Variants in GPATCH2 observed in about 807,000 individuals in gnomAD.
GPATCH2 encodes the protein G patch domain-containing protein 2.
A neutral mutation model predicts 58.0 loss-of-function variants in GPATCH2; 51 were observed. The ratio of observed to expected loss-of-function variants is 0.88; its 90% CI spans 0.70 to 1.11. The LOEUF is 1.11. Ranked by LOEUF, GPATCH2 falls within the 50% of genes most tolerant of loss-of-function variation. GPATCH2 has a pLI of 0.00. For synonymous variants in GPATCH2, 222 were observed against 218.5 expected (o/e 1.02, Z -0.14); for missense variants, 625 against 652.2 (o/e 0.96, Z 0.45).
intron 5 of GPATCH2, among the ~76,000 whole-genome samples, chr1:217,549,282 A>ATT: frequency 6.6e-6 from 1 of 152,190 alleles, no homozygotes; most frequent in Non-Finnish European, 1.5e-5. Context: ...TCAATATGAG[A>ATT]TTTTTTAAGT....
chr1:217,456,062 C>T (rs1659928789), intron 8 of GPATCH2, among the ~76,000 whole-genome samples: 1 of 152,102 alleles, frequency 6.6e-6, no homozygotes, highest in African/African-American at 2.4e-5. Flanking sequence ...GCCATCTCCA[C>T]CACTCAATAA....
chr1:217,604,467 C>T (rs1668263903), intron 5 of GPATCH2, among the ~76,000 whole-genome samples: 1 of 151,586 alleles, frequency 6.6e-6, no homozygotes, highest in Non-Finnish European at 1.5e-5. Context: ...TAAAATATAA[C>T]AGTTTAAAAA....
At chr1:217,485,269 G>A (rs1347524604) in intron 8 of GPATCH2, among the ~76,000 whole-genome samples, 1 of 152,106 alleles carries the variant, frequency 6.6e-6, no homozygotes, top group Non-Finnish European at 1.5e-5. Flanking sequence ...TAGATTGTAT[G>A]ATGCCCATCT....
chr1:217,433,027 C>T (rs1008268540), intron 9 of GPATCH2, among the ~76,000 whole-genome samples: 1 of 152,108 alleles, frequency 6.6e-6, no homozygotes, highest in Non-Finnish European at 1.5e-5. Flanking sequence ...TAACCACTTA[C>T]TTCTCTCAAA....
At chr1:217,494,028 G>T (rs1661883601) in intron 7 of GPATCH2, among the ~76,000 whole-genome samples, 1 of 152,098 alleles carries the variant, frequency 6.6e-6, no homozygotes, top group Admixed American at 6.6e-5. Flanking sequence ...TAAACATTAG[G>T]TTGTATCTAC....
intron 6 of GPATCH2, among the ~76,000 whole-genome samples, chr1:217,508,105 A>G (rs1662651275): frequency 6.6e-6 from 1 of 152,154 alleles, no homozygotes; most frequent in African/African-American, 2.4e-5. Flanking sequence ...ACTGTATTAT[A>G]TTTATTCTAT....
intron 5 of GPATCH2, among the ~76,000 whole-genome samples, chr1:217,590,174 C>T (rs1018527817): frequency 6.6e-6 from 1 of 152,020 alleles, no homozygotes; most frequent in Non-Finnish European, 1.5e-5. Context: ...GCACGCACTA[C>T]CACACCTGGC....
chr1:217,554,805 T>TA (rs1490810543), intron 5 of GPATCH2, among the ~76,000 whole-genome samples: 3 of 152,176 alleles, frequency 2.0e-5, no homozygotes, highest in Non-Finnish European at 4.4e-5. Context: ...AAGTGAATAA[T>TA]AAAAAACCCC....
chr1:217,595,487 CTG>C (rs1667778593), intron 5 of GPATCH2, among the ~76,000 whole-genome samples: 1 of 151,504 alleles, frequency 6.6e-6, no homozygotes, highest in South Asian at 2.1e-4. Context: ...AGAGATCTAA[CTG>C]TGATATTTTC....
intron 2 of GPATCH2, among the ~76,000 whole-genome samples, chr1:217,615,634 C>A (rs550605554): frequency 2.6e-4 from 40 of 152,092 alleles, no homozygotes; most frequent in African/African-American, 9.4e-4. Context: ...TTTCTGAAAC[C>A]CTTGAGGCAA....
chr1:217,510,695 A>G (rs570187416), intron 6 of GPATCH2, among the ~76,000 whole-genome samples: 41 of 152,266 alleles, frequency 2.7e-4, no homozygotes, highest in African/African-American at 9.1e-4. Flanking sequence ...ACTTGGTTAG[A>G]GCAGTCATTT....
At chr1:217,558,525 C>A (rs888123606) in intron 5 of GPATCH2, among the ~76,000 whole-genome samples, 2 of 152,146 alleles carry the variant, frequency 1.3e-5, no homozygotes, top group South Asian at 2.1e-4. Flanking sequence ...TCTAAGAAGT[C>A]CACAAGCCAT....
chr1:217,489,508 T>G (rs1661617343), intron 8 of GPATCH2, among the ~76,000 whole-genome samples: 1 of 152,224 alleles, frequency 6.6e-6, no homozygotes, highest in African/African-American at 2.4e-5. Flanking sequence ...TTATTTTATT[T>G]TCTTTTATTT....
At chr1:217,494,886 A>AT (rs34133965) in intron 7 of GPATCH2, 83 of 149,046 alleles carry the variant, frequency 5.6e-4, no homozygotes, top group South Asian at 4.9e-3. Context: ...TTCTTGATAC[A>AT]TTTTTTTTTT....
chr1:217,490,462 C>T (rs1194095190), intron 8 of GPATCH2, among the ~76,000 whole-genome samples: 1 of 152,052 alleles, frequency 6.6e-6, no homozygotes, highest in Non-Finnish European at 1.5e-5. Flanking sequence ...ATGTTTTTTT[C>T]AGCTGTTCCA....
chr1:217,438,753 A>C (rs968181598), intron 9 of GPATCH2, among the ~76,000 whole-genome samples: 21 of 152,316 alleles, frequency 1.4e-4, no homozygotes, highest in African/African-American at 5.1e-4. Context: ...GGTGTATCTG[A>C]AAGTGATGGG....
intron 5 of GPATCH2, among the ~76,000 whole-genome samples, chr1:217,573,198 G>A (rs762542949): frequency 1.3e-5 from 2 of 152,050 alleles, no homozygotes; most frequent in East Asian, 1.9e-4. Flanking sequence ...TGCCCTCTCC[G>A]TACCCTCCAA....
At chr1:217,533,395 A>G (rs1476555615) in intron 5 of GPATCH2, among the ~76,000 whole-genome samples, 2 of 152,208 alleles carry the variant, frequency 1.3e-5, no homozygotes, top group Non-Finnish European at 2.9e-5. Context: ...ACCACTGCAC[A>G]GTTGTGAAAA....
chr1:217,477,758 TCTAAGCTTTTTGATTCTATTCC>T (rs1419234680), intron 8 of GPATCH2, among the ~76,000 whole-genome samples: 1 of 152,086 alleles, frequency 6.6e-6, no homozygotes, highest in Admixed American at 6.5e-5. Flanking sequence ...CAGGTAGACT[TCTAAGCTTTTTGATTCTATTCC>T]CTGGCTCCCA....
Sources: allele counts gnomAD v4.1 joint callset (sites outside exome capture counted in the v4.1 genomes callset), GRCh38; gene constraint gnomAD v4.1.1; transcripts MANE v1.5; gene names NCBI Gene and HGNC (gene_info 2026-07-23, HGNC 2026-07-21).